The following L1TD1 variants were observed in gnomAD, a reference collection of about 807,000 sequenced individuals.
The protein encoded by L1TD1 is LINE1 type transposase domain containing 1.
L1TD1 carries 26 observed loss-of-function variants against 25.7 expected under a neutral mutation model. The observed-to-expected ratio is 1.01, with a 90% CI of 0.74 to 1.40. The LOEUF is 1.40. L1TD1 is among the 40% of genes most tolerant of loss of function. The pLI is 0.00. For synonymous variants in L1TD1, 421 were observed against 335.6 expected (o/e 1.25, Z -2.78); for missense variants, 1,130 against 975.0 (o/e 1.16, Z -2.12).
At position 62,211,692 on chromosome 1, in the gene L1TD1, A is replaced by C. The variant is rs1450657044; in HGVS notation, c.*320A>C. On this transcript the variant is annotated 3_prime_UTR_variant, in exon 4 of 4. Transcript: ENST00000498273. ...TAGAATTTATATTATCTGGCTGGGC[A>C]CGGTGGCTCACACCTGTAATCCCAG... 3 of 203,382 alleles carry C rather than the reference A, an allele frequency of 1.5e-5. No homozygotes were observed. Among genetic ancestry groups the C allele is most frequent in the African/African-American group, 7.1e-5 (3 of 42,498 alleles). The allele number at this position is 203,382 out of a possible 1,614,324, so 12.6% of individuals were successfully genotyped here.
chr1:62,205,027 A>G (rs1670707861), intron 2 of L1TD1, among the ~76,000 whole-genome samples: 1 of 152,098 alleles, frequency 6.6e-6, no homozygotes, highest in Non-Finnish European at 1.5e-5. Context: ...TCACCAGGGA[A>G]GCCTTTTCTA....
chr1:62,204,098 T>C (rs1283269055), intron 2 of L1TD1, among the ~76,000 whole-genome samples: 1 of 152,232 alleles, frequency 6.6e-6, no homozygotes. Context: ...CTGATTTAAT[T>C]ATGAAAGTTG....
chr1:62,211,288 G>A lies in L1TD1; in HGVS notation c.2514G>A (p.Lys838=). The A allele has an allele frequency of 6.2e-7, 1 of 1,613,000 alleles. No individual in the cohort carries two copies. Among genetic ancestry groups the A allele is most frequent in the East Asian group, 2.2e-5 (1 of 44,846 alleles). The part of the protein sequence containing the change: ...KMAFDFRGKT[K]VFLSIEEFRD... ...CATTTGATTTTAGGGGTAAAACAAAGGTATTTCTTAGTATTGAAGAATTTA... is the reference window on the plus strand; with the variant it reads ...CATTTGATTTTAGGGGTAAAACAAAAGTATTTCTTAGTATTGAAGAATTTA... Residue 838 remains lysine, a synonymous_variant, in exon 4 of 4, where the codon AAG becomes AAA. Coordinates refer to ENST00000498273, the MANE Select transcript of L1TD1 (RefSeq NM_019079.5).
intron 2 of L1TD1, among the ~76,000 whole-genome samples, chr1:62,205,393 C>CTCTCTCTCTCTT (rs1670719482): frequency 1.4e-4 from 4 of 29,198 alleles, no homozygotes; most frequent in African/African-American, 6.5e-4. Context: ...CTCTCTTTCT[C>CTCTCTCTCTCTT]TCTCTCTCTC....
chr1:62,200,473 A>G (rs1451715748), intron 2 of L1TD1, among the ~76,000 whole-genome samples: 1 of 147,472 alleles, frequency 6.8e-6, no homozygotes, highest in Non-Finnish European at 1.5e-5. Flanking sequence ...GCCTGGCCAT[A>G]ATGTATATTA....
At chr1:62,195,671 G>A (rs1241828372) in intron 1 of L1TD1, among the ~76,000 whole-genome samples, 1 of 152,224 alleles carries the variant, frequency 6.6e-6, no homozygotes, top group Non-Finnish European at 1.5e-5. Flanking sequence ...AGAATCGCTT[G>A]AACCCGAGAG....
rs893962759 is a variant in L1TD1, at chr1:62,207,384, A to T, written c.756A>T (p.Ala252=). The T allele has an allele frequency of 3.2e-5, 49 of 1,551,538 alleles. No individual in the cohort carries two copies. The highest frequency in any genetic ancestry group is 4.1e-5 in the Non-Finnish European group (47 of 1,146,960). ...VLTLVADLSS[A]TLDISKQWSN... ...CCCTGGTAGCCGACCTTTCATCAGC[A>T]ACACTGGATATTAGTAAGCAATGGA... The change falls in exon 3 of 4, where the codon GCA becomes GCT. Residue 252 remains alanine, a synonymous_variant. Transcript: ENST00000498273.
In L1TD1 at chr1:62,206,799, C is replaced by T. The variant is rs1215177938; in HGVS notation, c.171C>T (p.Val57=). 6.3e-7 allele frequency: 1 copy of T among 1,585,832 alleles called. No homozygotes were observed. Among genetic ancestry groups the T allele is most frequent in the East Asian group, 2.3e-5 (1 of 44,380 alleles). The change falls in exon 3 of 4, where the codon GTC becomes GTT. Residue 57 remains valine (V), a synonymous_variant. Coordinates refer to ENST00000498273, the MANE Select transcript of L1TD1 (RefSeq NM_019079.5). ...DVSAIMNKFK[V]LMEIQDLMFE... ...CAGCAATTATGAATAAGTTTAAGGT[C>T]TTAATGGAAATTCAAGACCTGATGT...
chr1:62,211,857 T>A lies in L1TD1; in HGVS notation c.*485T>A, dbSNP rs971538199. On this transcript the variant is annotated 3_prime_UTR_variant, in exon 4 of 4. Coordinates refer to ENST00000498273, the MANE Select transcript of L1TD1 (RefSeq NM_019079.5). ...GCGGGCGCCTGTAGTCCCAGCTACT[T>A]GGGAGGCTGAGGCAGGAGAATGGCG... The A allele has an allele frequency of 3.9e-5, 6 of 152,816 alleles. No individual in the cohort carries two copies. The highest frequency in any genetic ancestry group is 1.5e-4 in the African/African-American group (6 of 41,362). The allele number at this position is 152,816 out of a possible 1,614,324, so 9.5% of individuals were successfully genotyped here.
chr1:62,197,397 T>TTTATATATATATATATA (rs1269544269), intron 2 of L1TD1, among the ~76,000 whole-genome samples: 2 of 80,856 alleles, frequency 2.5e-5, no homozygotes, highest in African/African-American at 7.9e-5. Flanking sequence ...AAAAAATAAA[T>TTTATATATATATATATA]TATATATATA....
intron 3 of L1TD1, among the ~76,000 whole-genome samples, chr1:62,207,871 C>T (rs1670784012): frequency 6.6e-6 from 1 of 152,130 alleles, no homozygotes; most frequent in Non-Finnish European, 1.5e-5. Flanking sequence ...CACCACCACG[C>T]CCAGATAATT....
rs1670830143 is a variant in L1TD1, at chr1:62,210,028, AGAAG to A, written c.1255_1258del (p.Glu419ArgfsTer13). ...CCTCAGGGCTGGAGGAGGAAGAAGA[AGAAG>A]AGGCTTCAGGGTTGGAGGAGGATGA... On this transcript the variant is annotated frameshift_variant, in exon 4 of 4. Coordinates refer to ENST00000498273, the MANE Select transcript of L1TD1 (RefSeq NM_019079.5). LOFTEE classifies it low-confidence loss of function (END_TRUNC). 1 of 1,612,140 alleles carries A rather than the reference AGAAG, an allele frequency of 6.2e-7. No homozygotes were observed. The highest frequency in any genetic ancestry group is 2.2e-5 in the East Asian group (1 of 44,828).
At chr1:62,202,169 A>G (rs6701481) in intron 2 of L1TD1, among the ~76,000 whole-genome samples, 62,789 of 151,924 alleles carry the variant, frequency 0.41, 13,811 homozygotes, top group Non-Finnish European at 0.51. Context: ...GCGTGGTGGC[A>G]CATGCCTGTA....
intron 2 of L1TD1, among the ~76,000 whole-genome samples, chr1:62,200,575 G>A (rs1488985302): frequency 6.6e-6 from 1 of 151,974 alleles, no homozygotes; most frequent in Non-Finnish European, 1.5e-5. Flanking sequence ...ATCATCATTT[G>A]TTCCACCCTT....
rs1297862721 is a variant in L1TD1, at chr1:62,211,659, A to G, written c.*287A>G. On this transcript the variant is annotated 3_prime_UTR_variant, in exon 4 of 4. Coordinates refer to ENST00000498273, the MANE Select transcript of L1TD1 (RefSeq NM_019079.5). ...CACCACCTCCCTACTGCAGTTGACT[A>G]GTCTTTTTAGAATTTATATTATCTG... The G allele has an allele frequency of 1.5e-5, 4 of 263,166 alleles. No homozygotes were observed. Among genetic ancestry groups the G allele is most frequent in the South Asian group, 7.8e-5 (1 of 12,872 alleles). The allele number at this position is 263,166 out of a possible 1,614,324, so 16.3% of individuals were successfully genotyped here.
rs1670863723 is a variant in L1TD1 at position 62,211,248 on chromosome 1, A to G, written c.2474A>G (p.Tyr825Cys). Residue 825 changes from tyrosine to cysteine, a missense_variant, in exon 4 of 4, where the codon TAT (tyrosine) becomes TGT (cysteine). By Grantham distance (194) the Tyr-to-Cys change is radical (BLOSUM62 -2). Transcript: ENST00000498273. ...LEKGFNPRILYPAKMAFDFRG... is the reference protein window; with the variant it reads ...LEKGFNPRILCPAKMAFDFRG... Reference sequence around the variant, plus strand: ...AAAGGCTTTAATCCTAGAATCCTATATCCAGCCAAAATGGCATTTGATTTT... The same window carrying G: ...AAAGGCTTTAATCCTAGAATCCTATGTCCAGCCAAAATGGCATTTGATTTT... 1 of 1,592,272 alleles carries G rather than the reference A, an allele frequency of 6.3e-7. No individual in the cohort carries two copies. Among genetic ancestry groups the G allele is most frequent in the Non-Finnish European group, 8.6e-7 (1 of 1,168,530 alleles).
In L1TD1 at chr1:62,207,562, T is replaced by G; in HGVS notation, c.934T>G (p.Leu312Val). 6.4e-7 allele frequency: 1 copy of G among 1,550,840 alleles called. No homozygotes were observed. The highest frequency in any genetic ancestry group is 8.7e-7 in the Non-Finnish European group (1 of 1,146,820). ...CAGCCAAAAATCTTCTGTGAAAGAA[T>G]TACTGAAAGATGTACTCCCACAAAA... is the stretch of plus-strand genomic sequence containing the variant. ...FASQKSSVKE[L>V]LKDVLPQKEE... Residue 312 changes from leucine to valine, a missense_variant, in exon 3 of 4, where the codon TTA becomes GTA. Transcript: ENST00000498273.
intron 1 of L1TD1, among the ~76,000 whole-genome samples, chr1:62,196,031 C>G (rs1670532171): frequency 1.2e-5 from 1 of 85,360 alleles, no homozygotes; most frequent in Admixed American, 1.4e-4. Context: ...AGCGAAACTC[C>G]GTCTCAAAAA....
rs1284920556 is a variant in L1TD1, at chr1:62,206,608, A to C, written c.-21A>C. ...TCTGTAGGAATTAAAAACAGAATCC[A>C]GTCTTGACAACATATCCACAATGTC... is the stretch of plus-strand genomic sequence containing the variant. On this transcript the variant is annotated 5_prime_UTR_variant, in exon 3 of 4. Coordinates refer to ENST00000498273, the MANE Select transcript of L1TD1 (RefSeq NM_019079.5). The C allele has an allele frequency of 2.8e-6, 4 of 1,442,544 alleles. No homozygotes were observed. Among genetic ancestry groups the C allele is most frequent in the East Asian group, 2.5e-5 (1 of 39,540 alleles). The allele number at this position is 1,442,544 out of a possible 1,614,324, so 89.4% of individuals were successfully genotyped here.
Sources: allele counts gnomAD v4.1 joint callset (sites outside exome capture counted in the v4.1 genomes callset), GRCh38; gene constraint gnomAD v4.1.1; transcripts MANE v1.5; gene names NCBI Gene and HGNC (gene_info 2026-07-23, HGNC 2026-07-21).